SOX6: variants seen among roughly 807,000 people sequenced by gnomAD.
SOX6 encodes the protein SRY-box transcription factor 6, also known as transcription factor SOX-6.
In SOX6, 11 loss-of-function variants were observed where a neutral mutation model predicts 97.8. The observed-to-expected ratio is 0.11, with a 90% CI of 0.07 to 0.19. The LOEUF (loss-of-function observed/expected upper bound fraction) is 0.19. Ranked by LOEUF, SOX6 falls within the 10% of genes least tolerant of loss-of-function variation. The pLI is 1.00. For missense variants in SOX6, 810 were observed against 1,039.5 expected (o/e 0.78, Z 3.04); for synonymous variants, 360 against 371.4 (o/e 0.97, Z 0.35).
chr11:16,161,758 G>T (rs1850757008), intron 6 of SOX6, among the ~76,000 whole-genome samples: 1 of 152,140 alleles, frequency 6.6e-6, no homozygotes, highest in Non-Finnish European at 1.5e-5. Flanking sequence ...GCACATGGTA[G>T]TACTTACTGA....
At chr11:16,446,183 G>A (rs1393910484) in intron 1 of SOX6, among the ~76,000 whole-genome samples, 1 of 151,848 alleles carries the variant, frequency 6.6e-6, no homozygotes, top group Admixed American at 6.6e-5. Context: ...TTATTATAAG[G>A]GTTGCATGTA....
chr11:16,358,525 C>T (rs1385173299), upstream of SOX6, among the ~76,000 whole-genome samples: 10 of 152,112 alleles, frequency 6.6e-5, 1 homozygote, highest in South Asian at 1.9e-3. Context: ...ATATGCACAT[C>T]GATTCATGTG....
intron 4 of SOX6, among the ~76,000 whole-genome samples, chr11:16,520,272 T>C (rs1590231410): frequency 6.6e-6 from 1 of 152,184 alleles, no homozygotes; most frequent in East Asian, 1.9e-4. Context: ...ATTCTTTGCC[T>C]AGGCCAATGA....
chr11:16,427,103 CA>C (rs1382246426), intron 1 of SOX6, among the ~76,000 whole-genome samples: 2 of 151,708 alleles, frequency 1.3e-5, no homozygotes, highest in Non-Finnish European at 2.9e-5. Context: ...GCAATTGCAA[CA>C]AAAGCAAAAA....
At chr11:16,000,467 T>C (rs993343920) in intron 13 of SOX6, among the ~76,000 whole-genome samples, 22 of 152,228 alleles carry the variant, frequency 1.4e-4, no homozygotes, top group African/African-American at 5.1e-4. Context: ...TCTTCTGAGA[T>C]AGTGATTGTT....
At chr11:16,175,079 T>G (rs1404654178) in intron 6 of SOX6, among the ~76,000 whole-genome samples, 3 of 151,980 alleles carry the variant, frequency 2.0e-5, no homozygotes, top group Non-Finnish European at 2.9e-5. Context: ...TTTTCCTCTG[T>G]ACTATCATGG....
At chr11:16,238,808 AT>A (rs1171087947) in intron 3 of SOX6, among the ~76,000 whole-genome samples, 3 of 152,102 alleles carry the variant, frequency 2.0e-5, no homozygotes, top group Non-Finnish European at 4.4e-5. Flanking sequence ...AACATAAAAA[AT>A]ATCTTCAAAA....
At chr11:16,238,261 T>C (rs1189013189) in intron 3 of SOX6, among the ~76,000 whole-genome samples, 1 of 152,052 alleles carries the variant, frequency 6.6e-6, no homozygotes, top group African/African-American at 2.4e-5. Context: ...TTCTGGTTTT[T>C]TCTTTCCCTT....
intron 1 of SOX6, chr11:16,402,688 A>C (rs768453380): frequency 6.2e-7 from 1 of 1,610,318 alleles, no homozygotes; most frequent in Non-Finnish European, 8.5e-7. Flanking sequence ...TCCTCCACCC[A>C]CTCCTGTTTC....
chr11:16,148,469 C>T (rs922247254), intron 6 of SOX6, among the ~76,000 whole-genome samples: 1 of 152,066 alleles, frequency 6.6e-6, no homozygotes, highest in African/African-American at 2.4e-5. Context: ...CATGTGCACA[C>T]CCAATGACGG....
chr11:16,011,609 T>C (rs1247277144), intron 13 of SOX6, among the ~76,000 whole-genome samples: 7 of 152,106 alleles, frequency 4.6e-5, no homozygotes, highest in Non-Finnish European at 1.0e-4. Context: ...ATGAAGCATG[T>C]CTACAAGTTG....
At chr11:16,719,568 T>G (rs1209670300) in intron 2 of SOX6, among the ~76,000 whole-genome samples, 2 of 152,226 alleles carry the variant, frequency 1.3e-5, no homozygotes, top group African/African-American at 2.4e-5. Context: ...TAGTAAAGTT[T>G]TCTGTACCTT....
At chr11:16,455,080 T>C (rs1690713028) in intron 1 of SOX6, among the ~76,000 whole-genome samples, 1 of 152,006 alleles carries the variant, frequency 6.6e-6, no homozygotes, top group African/African-American at 2.4e-5. Context: ...TGGACATAAT[T>C]TCCCACTTGA....
chr11:16,359,459 T>C (rs1378666065), upstream of SOX6, among the ~76,000 whole-genome samples: 1 of 151,968 alleles, frequency 6.6e-6, no homozygotes, highest in African/African-American at 2.4e-5. Flanking sequence ...GGTCTGAATT[T>C]CCCTTATGAA....
intron 3 of SOX6, among the ~76,000 whole-genome samples, chr11:16,660,160 A>G (rs890506118): frequency 2.0e-5 from 3 of 151,866 alleles, no homozygotes; most frequent in Non-Finnish European, 2.9e-5. Flanking sequence ...TGTTTGTTTT[A>G]GGTTTATATT....
chr11:16,438,012 G>A (rs1231838351), intron 1 of SOX6, among the ~76,000 whole-genome samples: 1 of 152,042 alleles, frequency 6.6e-6, no homozygotes, highest in East Asian at 1.9e-4. Flanking sequence ...TGTATAATGA[G>A]TAAATTTGAT....
chr11:16,151,155 T>A (rs926155239), intron 6 of SOX6, among the ~76,000 whole-genome samples: 3 of 152,196 alleles, frequency 2.0e-5, no homozygotes, highest in South Asian at 2.1e-4. Flanking sequence ...CACATTTTTT[T>A]AATGACATTG....
chr11:16,497,180 C>T (rs1860614666), intron 4 of SOX6, among the ~76,000 whole-genome samples: 1 of 152,186 alleles, frequency 6.6e-6, no homozygotes, highest in Non-Finnish European at 1.5e-5. Flanking sequence ...GTTCTGCAGC[C>T]TCTGTTGCTG....
chr11:16,463,659 A>C (rs543665486), intron 1 of SOX6, among the ~76,000 whole-genome samples: 1 of 152,280 alleles, frequency 6.6e-6, no homozygotes, highest in Admixed American at 6.5e-5. Context: ...ATTCTCTCCC[A>C]TTCTTTCCCC....
Sources: gnomAD v4.1 joint callset for allele counts (sites outside exome capture counted in the v4.1 genomes callset) on GRCh38, gnomAD v4.1.1 for gene constraint, MANE v1.5 for transcripts, NCBI Gene and HGNC (gene_info 2026-07-23, HGNC 2026-07-21) for gene names.